The following STARD13 variants were observed in gnomAD, a reference collection of about 807,000 sequenced individuals.
STARD13 encodes the protein stAR-related lipid transfer protein 13.
Under a neutral mutation model 106.4 loss-of-function variants are expected in STARD13, and 62 were observed. That is an observed-to-expected ratio of 0.58 (90% CI 0.48 to 0.72). The LOEUF is 0.72. Ranked by LOEUF, STARD13 falls within the 30% of genes least tolerant of loss-of-function variation. STARD13 has a pLI of 0.00. For synonymous variants in STARD13, 565 were observed against 553.0 expected (o/e 1.02, Z -0.31); for missense variants, 1,387 against 1,424.0 (o/e 0.97, Z 0.42).
At chr13:33,425,380 A>G in the STARD13 span, among the ~76,000 whole-genome samples, 1 of 152,146 alleles carries the variant, frequency 6.6e-6, no homozygotes, top group Non-Finnish European at 1.5e-5. Context: ...CCATCCCAGG[A>G]GGGACCCCAA....
intron 6 of STARD13, 117 bp from the exon 7 acceptor site, chr13:33,126,357 T>A: frequency 1.1e-6 from 1 of 948,138 alleles, no homozygotes; most frequent in South Asian, 1.5e-5. Context: ...AGATGCGGGG[T>A]GAATTCAACA....
At chr13:33,141,370 G>A (rs1051167975) in intron 4 of STARD13, among the ~76,000 whole-genome samples, 12 of 152,260 alleles carry the variant, frequency 7.9e-5, no homozygotes, top group African/African-American at 2.6e-4. Flanking sequence ...TCATCTCAGC[G>A]GATTAAATGA....
chr13:33,362,629 C>T, the STARD13 span, among the ~76,000 whole-genome samples: 3 of 151,816 alleles, frequency 2.0e-5, no homozygotes, highest in Admixed American at 2.0e-4. Flanking sequence ...TCAACAACAA[C>T]GTCAACCACC....
chr13:33,441,153 C>T, the STARD13 span, among the ~76,000 whole-genome samples: 1 of 152,134 alleles, frequency 6.6e-6, no homozygotes, highest in Non-Finnish European at 1.5e-5. Flanking sequence ...CCTGTCCTCA[C>T]TACATCCTGC....
chr13:33,319,993 C>A (rs1157063175), intron 1 of STARD13, among the ~76,000 whole-genome samples: 3 of 152,198 alleles, frequency 2.0e-5, no homozygotes, highest in East Asian at 1.9e-4. Flanking sequence ...TCCATCTCAA[C>A]ATCCTCCTCT....
chr13:33,521,742 C>T, the STARD13 span, among the ~76,000 whole-genome samples: 14 of 152,002 alleles, frequency 9.2e-5, no homozygotes, highest in African/African-American at 3.4e-4. Context: ...TAAATATTCC[C>T]TATGTTTTTA....
chr13:33,263,241 C>A (rs1890736209), intron 1 of STARD13, among the ~76,000 whole-genome samples: 1 of 152,120 alleles, frequency 6.6e-6, no homozygotes, highest in Admixed American at 6.5e-5. Context: ...TAGATGCCAG[C>A]AGCACCCACC....
the STARD13 span, among the ~76,000 whole-genome samples, chr13:33,499,586 T>C: frequency 1.5e-5 from 1 of 64,776 alleles, no homozygotes; most frequent in Non-Finnish European, 3.2e-5. Flanking sequence ...CTTCTTCTTC[T>C]TCTTCTTCTT....
At chr13:33,167,003 C>CAA (rs139921719) in intron 2 of STARD13, among the ~76,000 whole-genome samples, 13,750 of 126,644 alleles carry the variant, frequency 0.11, 943 homozygotes, top group East Asian at 0.28. Context: ...CAAAAAAAAA[C>CAA]AAAAAAAAAA....
the STARD13 span, among the ~76,000 whole-genome samples, chr13:33,403,781 T>C: frequency 1.6e-4 from 25 of 152,224 alleles, 1 homozygote. Flanking sequence ...AGTATTATTC[T>C]GCATTTTTCC....
chr13:33,121,900 C>T (rs759735556), intron 7 of STARD13, among the ~76,000 whole-genome samples: 4 of 151,302 alleles, frequency 2.6e-5, no homozygotes, highest in Admixed American at 1.3e-4. Flanking sequence ...GGTTGGAGTG[C>T]GATGGCACGA....
chr13:33,654,175 A>C, the STARD13 span, among the ~76,000 whole-genome samples: 1 of 152,234 alleles, frequency 6.6e-6, no homozygotes, highest in Non-Finnish European at 1.5e-5. Flanking sequence ...AAGTATGTAC[A>C]CAAGACAAAT....
At chr13:33,275,720 G>A (rs1891394707) in intron 1 of STARD13, 1 of 152,164 alleles carries the variant, frequency 6.6e-6, no homozygotes, top group African/African-American at 2.4e-5. Flanking sequence ...AGGGCTATTT[G>A]AAAAAGAGAA....
the STARD13 span, among the ~76,000 whole-genome samples, chr13:33,504,689 G>A: frequency 1.3e-5 from 2 of 151,970 alleles, no homozygotes; most frequent in Non-Finnish European, 2.9e-5. Flanking sequence ...CACCAACATG[G>A]CACATGTATA....
chr13:33,249,863 C>A (rs956340059), intron 1 of STARD13, among the ~76,000 whole-genome samples: 2 of 152,128 alleles, frequency 1.3e-5, no homozygotes, highest in Admixed American at 1.3e-4. Context: ...CATCTCGGCT[C>A]ACTGCAACCT....
chr13:33,236,678 C>T (rs1390324489), intron 1 of STARD13, among the ~76,000 whole-genome samples: 2 of 152,120 alleles, frequency 1.3e-5, no homozygotes, highest in African/African-American at 2.4e-5. Flanking sequence ...ATCTTGAGTC[C>T]TCTGATGCTG....
At chr13:33,418,684 A>G in the STARD13 span, among the ~76,000 whole-genome samples, 1 of 152,220 alleles carries the variant, frequency 6.6e-6, no homozygotes, top group Non-Finnish European at 1.5e-5. Context: ...GACACCTCCC[A>G]GTAGGGGCCA....
At chr13:33,572,546 T>C in the STARD13 span, among the ~76,000 whole-genome samples, 1 of 152,224 alleles carries the variant, frequency 6.6e-6, no homozygotes, top group South Asian at 2.1e-4. Context: ...ACTCTTTTAA[T>C]TTGTTTGAAG....
the STARD13 span, among the ~76,000 whole-genome samples, chr13:33,556,399 G>A: frequency 1.3e-5 from 2 of 151,732 alleles, no homozygotes; most frequent in South Asian, 2.1e-4. Context: ...CTCCACCCAA[G>A]GCTCCTGAGT....
Sources: allele counts gnomAD v4.1 joint callset (sites outside exome capture counted in the v4.1 genomes callset), GRCh38; gene constraint gnomAD v4.1.1; transcripts MANE v1.5; gene names NCBI Gene and HGNC (gene_info 2026-07-23, HGNC 2026-07-21).